Variants in KATNAL2 observed in about 807,000 individuals in gnomAD.
The protein encoded by KATNAL2 is katanin catalytic subunit A1 like 2, also known as katanin p60 ATPase-containing subunit A-like 2.
KATNAL2 carries 52 observed loss-of-function variants against 76.3 expected under a neutral mutation model. That is an observed-to-expected ratio of 0.68 (90% CI 0.55 to 0.86). KATNAL2 has a LOEUF of 0.86. Ranked by LOEUF, KATNAL2 falls within the 40% of genes least tolerant of loss-of-function variation. The pLI, the probability that KATNAL2 is intolerant of heterozygous loss-of-function variation, is 0.00. For synonymous variants in KATNAL2, 243 were observed against 244.2 expected (o/e 1.00, Z 0.05); for missense variants, 660 against 668.9 (o/e 0.99, Z 0.15).
At chr18:47,033,248 T>C in intron 3 of KATNAL2, 1 of 1,613,754 alleles carries the variant, frequency 6.2e-7, no homozygotes, top group Non-Finnish European at 8.5e-7. Context: ...GAGGCTGGCT[T>C]GATCTCCCCA....
intron 1 of KATNAL2, among the ~76,000 whole-genome samples, chr18:46,945,794 A>G (rs1437293880): frequency 1.3e-5 from 2 of 152,254 alleles, no homozygotes; most frequent in African/African-American, 4.8e-5. Flanking sequence ...ATTATTAATT[A>G]GAAAGTGGTC....
At chr18:47,065,699 G>A (rs887798200) in intron 10 of KATNAL2, among the ~76,000 whole-genome samples, 2 of 151,870 alleles carry the variant, frequency 1.3e-5, no homozygotes, top group Non-Finnish European at 2.9e-5. Context: ...AAAAGTGAAA[G>A]TTGGCTGGGT....
intron 4 of KATNAL2, among the ~76,000 whole-genome samples, chr18:47,051,916 G>A (rs2061350981): frequency 6.6e-6 from 1 of 152,150 alleles, no homozygotes; most frequent in Non-Finnish European, 1.5e-5. Flanking sequence ...GAAAGAAAGA[G>A]AGAGAAGAGG....
intron 3 of KATNAL2, among the ~76,000 whole-genome samples, chr18:46,958,448 CAT>C (rs1450759110): frequency 2.0e-5 from 3 of 152,100 alleles, no homozygotes; most frequent in East Asian, 1.9e-4. Flanking sequence ...AAAATACACA[CAT>C]ATATTTATAC....
intron 1 of KATNAL2, among the ~76,000 whole-genome samples, chr18:46,918,546 C>T (rs1448383057): frequency 6.6e-6 from 1 of 152,124 alleles, no homozygotes; most frequent in African/African-American, 2.4e-5. Context: ...TGTCTGCCTC[C>T]CGGGTTCAAG....
intron 3 of KATNAL2, among the ~76,000 whole-genome samples, chr18:47,036,469 T>G (rs986119407): frequency 6.6e-6 from 1 of 152,250 alleles, no homozygotes; most frequent in Non-Finnish European, 1.5e-5. Flanking sequence ...TGTCTTTGAC[T>G]GGAGTGCTGC....
chr18:47,089,711 AC>A (rs2062918417), intron 15 of KATNAL2, among the ~76,000 whole-genome samples: 4 of 152,210 alleles, frequency 2.6e-5, no homozygotes, highest in Admixed American at 2.0e-4. Context: ...TTAAAATATA[AC>A]ATCTTATTTC....
intron 15 of KATNAL2, among the ~76,000 whole-genome samples, chr18:47,092,940 G>A (rs2147377362): frequency 6.6e-6 from 1 of 152,206 alleles, no homozygotes; most frequent in East Asian, 1.9e-4. Context: ...CTTAATTGAT[G>A]TCTTCATCAA....
chr18:47,073,967 G>T (rs1390162164), intron 13 of KATNAL2, among the ~76,000 whole-genome samples: 1 of 152,178 alleles, frequency 6.6e-6, no homozygotes, highest in Non-Finnish European at 1.5e-5. Flanking sequence ...TTTGCCTTTA[G>T]TGAGCACCTT....
At position 47,100,334 on chromosome 18, in the gene KATNAL2, T is replaced by G. The variant is rs1386445780; in HGVS notation, c.1455T>G (p.Asp485Glu). The change falls in exon 17 of 18, where the codon GAT (aspartate) becomes GAG (glutamate). Residue 485 changes from aspartate (D) to glutamate (E), a missense_variant. Asp to Glu is a conservative substitution (Grantham distance 45, BLOSUM62 2). Coordinates refer to ENST00000683218, the MANE Select transcript of KATNAL2 (RefSeq NM_001387690.1). ...AAMRPVRKIF[D>E]ALENHQSESS... ...TGCGGCCCGTGAGGAAGATCTTTGA[T>G]GCACTTGAAAATCACCAGTCAGGTA... 28 of 1,613,920 alleles carry G rather than the reference T, an allele frequency of 1.7e-5. No individual in the cohort carries two copies. Among genetic ancestry groups the G allele is most frequent in the Non-Finnish European group, 2.4e-5 (28 of 1,179,894 alleles).
intron 1 of KATNAL2, among the ~76,000 whole-genome samples, chr18:46,923,719 C>T (rs2058645242): frequency 6.6e-6 from 1 of 152,234 alleles, no homozygotes; most frequent in Non-Finnish European, 1.5e-5. Flanking sequence ...AGCTGCTCCA[C>T]ATCCTCTCCA....
intron 1 of KATNAL2, among the ~76,000 whole-genome samples, chr18:46,936,291 T>G (rs2059088761): frequency 1.3e-5 from 2 of 152,200 alleles, no homozygotes. Flanking sequence ...TGTAAAAGTT[T>G]AACATACTCT....
intron 13 of KATNAL2, among the ~76,000 whole-genome samples, chr18:47,074,063 T>C (rs1260202543): frequency 1.3e-5 from 2 of 152,228 alleles, no homozygotes; most frequent in Admixed American, 1.3e-4. Flanking sequence ...ATATCAGGTA[T>C]ATTTGGGCTT....
chr18:46,961,043 T>C (rs1237525806), intron 3 of KATNAL2, among the ~76,000 whole-genome samples: 2 of 152,208 alleles, frequency 1.3e-5, no homozygotes, highest in African/African-American at 4.8e-5. Context: ...GGGACATAAC[T>C]AAGGGCTACA....
intron 1 of KATNAL2, among the ~76,000 whole-genome samples, chr18:46,945,257 T>C (rs554484076): frequency 6.6e-6 from 1 of 152,322 alleles, no homozygotes; most frequent in South Asian, 2.1e-4. Flanking sequence ...AACAATGTGA[T>C]AAGTGCAGTA....
chr18:47,063,338 G>A lies in KATNAL2; in HGVS notation c.703G>A (p.Glu235Lys), dbSNP rs756054251. The stretch of plus-strand genomic sequence containing the variant: ...TATTGGCATGAACAGTGAGATGCGA[G>A]AATTGGCAGCCGTGGTGAGCCGGGT... ...AFIGMNSEMR[E>K]LAAVVSRDIY... The change falls in exon 10 of 18, where the codon GAA (glutamate) becomes AAA (lysine). Residue 235 changes from glutamate (E) to lysine (K), a missense_variant. Coordinates refer to ENST00000683218, the MANE Select transcript of KATNAL2 (RefSeq NM_001387690.1). 8 of 1,613,858 alleles carry A rather than the reference G, an allele frequency of 5.0e-6. No homozygotes were observed. In the African/African-American group the frequency reaches 9.3e-5, roughly 19 times the overall value.
chr18:46,920,349 AT>A (rs2058467462), intron 1 of KATNAL2, among the ~76,000 whole-genome samples: 2 of 152,192 alleles, frequency 1.3e-5, no homozygotes, highest in African/African-American at 4.8e-5. Context: ...TTATTCAGTG[AT>A]TAGAGATAAG....
chr18:47,092,463 C>A (rs540745192), intron 15 of KATNAL2, among the ~76,000 whole-genome samples: 2 of 152,256 alleles, frequency 1.3e-5, no homozygotes, highest in East Asian at 3.9e-4. Flanking sequence ...CGCACCACTG[C>A]ACTCTAGGCT....
Position 46,934,206 on chromosome 18 carries a change from C to G in KATNAL2, c.-509-11851C>G, listed in dbSNP as rs190938685. On this transcript the variant is annotated intron_variant, in intron 1 of 17. Coordinates refer to ENST00000683218, the MANE Select transcript of KATNAL2 (RefSeq NM_001387690.1). Reference sequence around the variant, plus strand: ...TCAAATGGTATTTCTAGTTCTAGATCTCTGAGGAATCGCCACACTGACTTC... The same window carrying G: ...TCAAATGGTATTTCTAGTTCTAGATGTCTGAGGAATCGCCACACTGACTTC... Among the ~76,000 whole-genome samples, 668 of 152,244 alleles carry G rather than the reference C, an allele frequency of 4.4e-3. 2 individuals are homozygous for G. Among genetic ancestry groups the G allele is most frequent in the African/African-American group, 0.015 (635 of 41,538 alleles).
Sources: allele counts gnomAD v4.1 joint callset (sites outside exome capture counted in the v4.1 genomes callset), GRCh38; gene constraint gnomAD v4.1.1; transcripts MANE v1.5; gene names NCBI Gene and HGNC (gene_info 2026-07-23, HGNC 2026-07-21).